PRR11: variants seen among roughly 807,000 people sequenced by gnomAD.
PRR11 encodes the protein proline-rich protein 11.
PRR11 carries 30 observed loss-of-function variants against 45.6 expected under a neutral mutation model. The ratio of observed to expected loss-of-function variants is 0.66; its 90% CI spans 0.49 to 0.89. PRR11 has a LOEUF of 0.89. PRR11 is among the 40% of genes least tolerant of loss of function. The pLI is 0.00. For missense variants in PRR11, 373 were observed against 424.8 expected (o/e 0.88, Z 1.07); for synonymous variants, 128 against 153.5 (o/e 0.83, Z 1.23).
intron 4 of PRR11, among the ~76,000 whole-genome samples, chr17:59,190,983 G>A (rs1284461119): frequency 1.3e-5 from 2 of 152,194 alleles, no homozygotes; most frequent in East Asian, 3.9e-4. Context: ...GCTCTGCTCT[G>A]TATTGCTGGG....
intron 2 of PRR11, 112 bp downstream of exon 2, chr17:59,169,992 C>A: frequency 7.4e-7 from 1 of 1,343,114 alleles, no homozygotes; most frequent in Non-Finnish European, 9.9e-7. Context: ...GTCATTCATT[C>A]CTGTAATCCC....
At chr17:59,181,769 C>G in intron 2 of PRR11, 5 of 1,554,662 alleles carry the variant, frequency 3.2e-6, no homozygotes, top group Non-Finnish European at 4.4e-6. Context: ...AACCAGGCCA[C>G]CATGTAATGC....
intron 4 of PRR11, 142 bp from the exon 5 acceptor site, chr17:59,193,350 G>T (rs767433123): frequency 5.5e-5 from 59 of 1,066,100 alleles, no homozygotes; most frequent in Admixed American, 1.6e-4. Context: ...AGAAACTTAT[G>T]ATTATAAATG....
intron 2 of PRR11, among the ~76,000 whole-genome samples, chr17:59,173,030 G>GTGAAT (rs2046719289): frequency 6.6e-6 from 1 of 152,226 alleles, no homozygotes; most frequent in Non-Finnish European, 1.5e-5. Flanking sequence ...CTAAGGGATT[G>GTGAAT]TGAATGCACC....
chr17:59,183,051 C>G (rs1846734925), intron 2 of PRR11, among the ~76,000 whole-genome samples: 2 of 152,170 alleles, frequency 1.3e-5, no homozygotes, highest in African/African-American at 4.8e-5. Context: ...TCCAGTCCTT[C>G]CAATCAGGAA....
intron 9 of PRR11, among the ~76,000 whole-genome samples, chr17:59,201,273 A>G (rs2046891141): frequency 6.6e-6 from 1 of 152,120 alleles, no homozygotes; most frequent in South Asian, 2.1e-4. Context: ...TCCATCCTTA[A>G]TGTGTGGCTT....
chr17:59,177,760 G>A (rs1443446243), intron 2 of PRR11, among the ~76,000 whole-genome samples: 1 of 152,154 alleles, frequency 6.6e-6, no homozygotes, highest in East Asian at 1.9e-4. Context: ...TCAAGCCTGT[G>A]ATCCCAGAAG....
chr17:59,188,688 C>T (rs750279923), intron 4 of PRR11, among the ~76,000 whole-genome samples: 1 of 152,006 alleles, frequency 6.6e-6, no homozygotes, highest in Non-Finnish European at 1.5e-5. Context: ...CCTGTAATCC[C>T]AGCACTTTGC....
rs2046911378 is a variant in PRR11 at position 59,204,985 on chromosome 17, A to C, written c.*3354A>C. Among the ~76,000 whole-genome samples the C allele has an allele frequency of 1.3e-5, 2 of 152,014 alleles. No individual in the cohort carries two copies. Among genetic ancestry groups the C allele is most frequent in the African/African-American group, 4.8e-5 (2 of 41,378 alleles). On this transcript the variant is annotated 3_prime_UTR_variant, in exon 10 of 10. Coordinates refer to ENST00000262293, the MANE Select transcript of PRR11 (RefSeq NM_018304.4). ...TGAGGCTGCAGTGAGCTGTGTTTAT[A>C]CCACTGCACTCCAGCCTGCTGGGTA...
intron 5 of PRR11, among the ~76,000 whole-genome samples, chr17:59,194,267 T>TCACACACACACACACACACACA (rs57853873): frequency 2.8e-5 from 4 of 141,066 alleles, no homozygotes; most frequent in South Asian, 2.3e-4. Flanking sequence ...TTCCCAATCC[T>TCACACACACACACACACACACA]CACACACACA....
Position 59,202,027 on chromosome 17 carries a change from T to A in PRR11, c.*396T>A. 1 of 196,846 alleles carries A rather than the reference T, an allele frequency of 5.1e-6. No individual in the cohort carries two copies. Among genetic ancestry groups the A allele is most frequent in the East Asian group, 1.1e-4 (1 of 9,046 alleles). The allele number at this position is 196,846 out of a possible 1,614,324, so 12.2% of individuals were successfully genotyped here. On this transcript the variant is annotated 3_prime_UTR_variant, in exon 10 of 10. Transcript: ENST00000262293. ...CTTTTTTTTAATGTAGTAGGGTTTA[T>A]ATAGATATACTAATATAATTGCATT... is the stretch of plus-strand genomic sequence containing the variant.
In PRR11 at chr17:59,194,759, T is replaced by C; in HGVS notation, c.648T>C (p.Ala216=). 1 of 1,611,298 alleles carries C rather than the reference T, an allele frequency of 6.2e-7. No individual in the cohort carries two copies. The highest frequency in any genetic ancestry group is 1.1e-5 in the South Asian group (1 of 90,672). The part of the protein sequence containing the change: ...RKPSLAKALQ[A]GPLKKDGPMQ... ...CTAACCTTACCATGTATTTTAAGGC[T>C]GGACCATTAAAAAAAGATGGACCCA... Residue 216 remains alanine, a splice_region_variant and synonymous_variant, in exon 6 of 10, where the codon GCT becomes GCC. Transcript: ENST00000262293.
chr17:59,178,973 C>G (rs1342891505), intron 2 of PRR11, among the ~76,000 whole-genome samples: 1 of 152,094 alleles, frequency 6.6e-6, no homozygotes, highest in Non-Finnish European at 1.5e-5. Context: ...AAGCCGCTTT[C>G]TTTGATTTTT....
chr17:59,171,626 A>T (rs2046709112), intron 2 of PRR11, among the ~76,000 whole-genome samples: 2 of 152,106 alleles, frequency 1.3e-5, no homozygotes, highest in South Asian at 4.1e-4. Context: ...ATTTAAAATA[A>T]ATGTAGTAAT....
In PRR11 at chr17:59,194,769, A is replaced by G; in HGVS notation, c.658A>G (p.Lys220Glu). 6.2e-7 allele frequency: 1 copy of G among 1,613,058 alleles called. No individual in the cohort carries two copies. The highest frequency in any genetic ancestry group is 8.5e-7 in the Non-Finnish European group (1 of 1,179,526). Residue 220 changes from lysine (K) to glutamate (E), a missense_variant, in exon 6 of 10, where the codon AAA becomes GAA. Physicochemically the swap from Lys to Glu is moderately conservative, Grantham distance 56. Transcript: ENST00000262293. ...LAKALQAGPLKKDGPMQITVK... is the reference protein window; with the variant it reads ...LAKALQAGPLEKDGPMQITVK... ...CATGTATTTTAAGGCTGGACCATTA[A>G]AAAAAGATGGACCCATGCAGATAAC...
intron 2 of PRR11, among the ~76,000 whole-genome samples, chr17:59,175,566 A>G (rs1448957618): frequency 6.6e-6 from 1 of 152,218 alleles, no homozygotes; most frequent in Non-Finnish European, 1.5e-5. Flanking sequence ...GTTCGAGACC[A>G]GCCCCATATC....
At chr17:59,200,288 T>C (rs1383862318) in intron 9 of PRR11, among the ~76,000 whole-genome samples, 1 of 152,116 alleles carries the variant, frequency 6.6e-6, no homozygotes. Context: ...AATCTGACTA[T>C]AGTGGTTTAA....
chr17:59,174,296 G>A lies in PRR11; in HGVS notation c.128+4416G>A, dbSNP rs1243560416. Among the ~76,000 whole-genome samples, 8 of 152,280 alleles carry A rather than the reference G, an allele frequency of 5.3e-5. No homozygotes were observed. In the East Asian group the frequency reaches 1.5e-3, roughly 29 times the overall value. On this transcript the variant is annotated intron_variant, in intron 2 of 9. Coordinates refer to ENST00000262293, the MANE Select transcript of PRR11 (RefSeq NM_018304.4). Reference sequence around the variant, plus strand: ...ACCATGCTAGATCCGTTTCTAATGTGACAACATCACAAACCCTGAGTCCAG... The same window carrying A: ...ACCATGCTAGATCCGTTTCTAATGTAACAACATCACAAACCCTGAGTCCAG...
intron 6 of PRR11, 79 bp downstream of exon 6, chr17:59,194,934 G>A: frequency 8.4e-7 from 1 of 1,192,444 alleles, no homozygotes; most frequent in Admixed American, 2.1e-5. Context: ...AGCACTTTGG[G>A]AGACCAAGGT....
Sources: gnomAD v4.1 joint callset for allele counts (sites outside exome capture counted in the v4.1 genomes callset) on GRCh38, gnomAD v4.1.1 for gene constraint, MANE v1.5 for transcripts, NCBI Gene and HGNC (gene_info 2026-07-23, HGNC 2026-07-21) for gene names.